The following TTC23L variants were observed in gnomAD, a reference collection of about 807,000 sequenced individuals.
TTC23L encodes the protein tetratricopeptide repeat domain 23 like.
A neutral mutation model predicts 48.1 loss-of-function variants in TTC23L; 42 were observed. The observed-to-expected ratio is 0.87, with a 90% CI of 0.68 to 1.13. TTC23L has a LOEUF of 1.13. Among genes scored for constraint, TTC23L ranks in the 50% most tolerant of loss-of-function variants. The probability of loss-of-function intolerance (pLI) is 0.00; values close to 1 mark genes in which losing one functional copy is unlikely to be tolerated. For synonymous variants in TTC23L, 159 were observed against 157.2 expected (o/e 1.01, Z -0.09); for missense variants, 391 against 421.0 (o/e 0.93, Z 0.62).
chr5:34,900,824 T>C (rs1374510925), downstream of TTC23L, among the ~76,000 whole-genome samples: 3 of 152,226 alleles, frequency 2.0e-5, no homozygotes, highest in African/African-American at 4.8e-5. Context: ...CACATGAAAT[T>C]TACTGGAGAG....
Position 34,896,863 on chromosome 5 carries a change from GTATGGAGGAATGGTAAGTA to G in TTC23L, c.*86_*97+7del. ...GCACAGAAGCATGACAGAGGGCAGT[GTATGGAGGAATGGTAAGTA>G]CTTTACAGCTGTTGTACAGGGCAGC... On this transcript the variant is annotated splice_donor_variant and splice_donor_5th_base_variant and 3_prime_UTR_variant and intron_variant, in exon 10 of 11. Transcript: ENST00000505624. LOFTEE classifies it low-confidence loss of function (3UTR_SPLICE). 3 of 723,302 alleles carry G rather than the reference GTATGGAGGAATGGTAAGTA, an allele frequency of 4.1e-6. 1 individual carries two copies. In the East Asian group the frequency reaches 7.9e-5, roughly 19 times the overall value. 44.8% of individuals were successfully genotyped at this position (723,302 alleles called of 1,614,324 possible).
chr5:34,875,124 A>G (rs995752126), intron 8 of TTC23L, among the ~76,000 whole-genome samples: 13 of 152,210 alleles, frequency 8.5e-5, no homozygotes, highest in Admixed American at 6.5e-4. Context: ...GGCATTACAT[A>G]TGATAAAGGG....
At chr5:34,918,657 A>G in the TTC23L span, 2 of 490,158 alleles carry the variant, frequency 4.1e-6, no homozygotes, top group Non-Finnish European at 7.3e-6. Context: ...TTTAGATTTC[A>G]TTAGGTAGAT....
At chr5:34,887,867 T>TA (rs1248880302) in intron 9 of TTC23L, among the ~76,000 whole-genome samples, 2 of 152,228 alleles carry the variant, frequency 1.3e-5, no homozygotes, top group African/African-American at 4.8e-5. Flanking sequence ...CCATAGCATA[T>TA]ACATTGTAAG....
At chr5:34,896,605 T>C (rs916169208) in intron 9 of TTC23L, among the ~76,000 whole-genome samples, 165 bp from the exon 10 acceptor site, 6 of 152,122 alleles carry the variant, frequency 3.9e-5, no homozygotes, top group Non-Finnish European at 7.4e-5. Flanking sequence ...AACATGGTCA[T>C]TAATCTTAAG....
At chr5:34,919,881 G>A in the TTC23L span, 3 of 1,162,598 alleles carry the variant, frequency 2.6e-6, no homozygotes, top group Non-Finnish European at 2.5e-6. Context: ...TGTGATTAAC[G>A]AGGTAATTTT....
intron 9 of TTC23L, among the ~76,000 whole-genome samples, chr5:34,888,940 T>G (rs1291506506): frequency 6.6e-6 from 1 of 152,196 alleles, no homozygotes; most frequent in Non-Finnish European, 1.5e-5. Flanking sequence ...AAGGCAAGTT[T>G]TTTTAGGATA....
At chr5:34,848,969 A>G (rs535404851) in intron 3 of TTC23L, among the ~76,000 whole-genome samples, 4 of 152,356 alleles carry the variant, frequency 2.6e-5, no homozygotes, top group South Asian at 4.1e-4. Context: ...TTTAAAATCC[A>G]TAAGTTTCTA....
chr5:34,900,705 A>G (rs867926514), downstream of TTC23L, among the ~76,000 whole-genome samples: 1 of 152,196 alleles, frequency 6.6e-6, no homozygotes, highest in South Asian at 2.1e-4. Flanking sequence ...GAACACTTCC[A>G]GCATCACTAG....
At chr5:34,889,268 G>A (rs934090221) in intron 9 of TTC23L, among the ~76,000 whole-genome samples, 22 of 152,164 alleles carry the variant, frequency 1.4e-4, no homozygotes, top group African/African-American at 5.1e-4. Context: ...AAGGGAGCTT[G>A]ATGTTTTATA....
the TTC23L span, chr5:34,920,227 T>C: frequency 1.3e-5 from 2 of 157,492 alleles, no homozygotes; most frequent in African/African-American, 4.8e-5. Flanking sequence ...ATTAAACATA[T>C]ATATATATAA....
chr5:34,839,559 C>T (rs931962170), intron 1 of TTC23L: 1 of 891,452 alleles, frequency 1.1e-6, no homozygotes. Context: ...GATCAGAACT[C>T]TTTGCTGTGG....
downstream of TTC23L, among the ~76,000 whole-genome samples, chr5:34,900,514 A>G (rs1348144482): frequency 2.6e-5 from 4 of 152,054 alleles, no homozygotes; most frequent in African/African-American, 9.7e-5. Flanking sequence ...AAAAAAAAGA[A>G]AGAAAATAAG....
the TTC23L span, chr5:34,915,589 G>A: frequency 2.0e-6 from 2 of 1,024,844 alleles, no homozygotes; most frequent in Admixed American, 3.3e-5. Context: ...AGAGCCGCGC[G>A]TGCCGCGCCA....
intron 9 of TTC23L, among the ~76,000 whole-genome samples, chr5:34,891,843 A>G (rs890648197): frequency 8.5e-5 from 13 of 152,222 alleles, no homozygotes; most frequent in African/African-American, 2.7e-4. Context: ...AGATTCATAG[A>G]AGGAGGAAAA....
intron 9 of TTC23L, among the ~76,000 whole-genome samples, chr5:34,889,677 CT>C (rs1762735041): frequency 6.6e-6 from 1 of 152,146 alleles, no homozygotes; most frequent in African/African-American, 2.4e-5. Context: ...ACTTTGCTCC[CT>C]GCCTGTTGGT....
At chr5:34,859,840 CTTTTTT>C (rs10590697) in intron 4 of TTC23L, among the ~76,000 whole-genome samples, 7 of 95,356 alleles carry the variant, frequency 7.3e-5, no homozygotes, top group Admixed American at 1.4e-4. Flanking sequence ...TTTTCTTCTT[CTTTTTT>C]TTTTTTTTTT....
At chr5:34,855,727 G>A (rs1029547982) in intron 4 of TTC23L, among the ~76,000 whole-genome samples, 1 of 152,212 alleles carries the variant, frequency 6.6e-6, no homozygotes, top group East Asian at 1.9e-4. Context: ...TCTAGGGAAA[G>A]ATCTCTTTAG....
At chr5:34,890,862 A>G (rs1222326373) in intron 9 of TTC23L, among the ~76,000 whole-genome samples, 1 of 151,988 alleles carries the variant, frequency 6.6e-6, no homozygotes, top group East Asian at 1.9e-4. Context: ...TCTGCCTCCC[A>G]AGTAGCTGGG....
Sources: allele counts gnomAD v4.1 joint callset (sites outside exome capture counted in the v4.1 genomes callset), GRCh38; gene constraint gnomAD v4.1.1; transcripts MANE v1.5; gene names NCBI Gene and HGNC (gene_info 2026-07-23, HGNC 2026-07-21).